Variants in SUGCT observed in about 807,000 individuals in gnomAD.
SUGCT encodes the protein succinyl-CoA:glutarate-CoA transferase, also known as succinyl-CoA:glutarate CoA-transferase.
A neutral mutation model predicts 55.0 loss-of-function variants in SUGCT; 41 were observed. That is an observed-to-expected ratio of 0.74 (90% CI 0.58 to 0.97). The LOEUF is 0.97. Among genes scored for constraint, SUGCT ranks in the 50% least tolerant of loss-of-function variants. The pLI is 0.00. For missense variants in SUGCT, 568 were observed against 547.8 expected (o/e 1.04, Z -0.37); for synonymous variants, 187 against 200.4 (o/e 0.93, Z 0.56).
intron 12 of SUGCT, among the ~76,000 whole-genome samples, chr7:40,661,647 T>C (rs1243235140): frequency 1.3e-5 from 2 of 152,174 alleles, no homozygotes; most frequent in Non-Finnish European, 2.9e-5. Context: ...TACTAAAAGC[T>C]TTCAACCAGA....
intron 12 of SUGCT, among the ~76,000 whole-genome samples, chr7:40,583,791 G>C (rs1196896679): frequency 6.6e-6 from 1 of 152,072 alleles, no homozygotes; most frequent in African/African-American, 2.4e-5. Flanking sequence ...CCATGCACCT[G>C]GTCAGTTGTG....
At chr7:40,259,032 G>A (rs1791036234) in intron 7 of SUGCT, among the ~76,000 whole-genome samples, 1 of 152,132 alleles carries the variant, frequency 6.6e-6, no homozygotes, top group South Asian at 2.1e-4. Flanking sequence ...TGAACCTGAA[G>A]GACATTATTC....
intron 13 of SUGCT, among the ~76,000 whole-genome samples, chr7:40,810,949 G>A (rs1227477439): frequency 6.6e-6 from 1 of 152,120 alleles, no homozygotes; most frequent in Non-Finnish European, 1.5e-5. Flanking sequence ...ATCGTGAAAG[G>A]TAGGGTTCCA....
chr7:40,594,936 A>G (rs1797923207), intron 12 of SUGCT, among the ~76,000 whole-genome samples: 1 of 152,200 alleles, frequency 6.6e-6, no homozygotes, highest in African/African-American at 2.4e-5. Flanking sequence ...TTTCTATAAT[A>G]GTTTAGGAGA....
intron 9 of SUGCT, among the ~76,000 whole-genome samples, chr7:40,429,574 G>A (rs1787783830): frequency 1.3e-5 from 2 of 152,154 alleles, no homozygotes; most frequent in Non-Finnish European, 1.5e-5. Flanking sequence ...GATGTTTGAC[G>A]ACAGGAAGCA....
intron 12 of SUGCT, among the ~76,000 whole-genome samples, chr7:40,514,126 A>G (rs1793100488): frequency 1.3e-5 from 2 of 151,966 alleles, no homozygotes; most frequent in Non-Finnish European, 2.9e-5. Flanking sequence ...TAGTACAAGT[A>G]CAATTAAATA....
At chr7:40,442,012 A>G (rs982870607) in intron 9 of SUGCT, among the ~76,000 whole-genome samples, 3 of 152,126 alleles carry the variant, frequency 2.0e-5, no homozygotes, top group African/African-American at 4.8e-5. Flanking sequence ...CAGAATGTCA[A>G]AGTCTGAAAA....
At chr7:40,681,560 C>G (rs1333300727) in intron 12 of SUGCT, among the ~76,000 whole-genome samples, 1 of 152,178 alleles carries the variant, frequency 6.6e-6, no homozygotes, top group Non-Finnish European at 1.5e-5. Flanking sequence ...CAAGGCAAAT[C>G]AGGGCAGCTG....
the SUGCT span, among the ~76,000 whole-genome samples, chr7:40,972,951 C>T: frequency 6.6e-6 from 1 of 152,224 alleles, no homozygotes; most frequent in South Asian, 2.1e-4. Context: ...TAGCTTTTCA[C>T]TTACTAACCC....
intron 9 of SUGCT, among the ~76,000 whole-genome samples, chr7:40,359,660 G>A (rs1000033823): frequency 3.9e-5 from 6 of 152,142 alleles, no homozygotes; most frequent in African/African-American, 1.4e-4. Context: ...CCTTTCTCAC[G>A]TCCTAACTGT....
At chr7:40,464,701 C>A (rs964337130) in intron 11 of SUGCT, among the ~76,000 whole-genome samples, 1 of 152,214 alleles carries the variant, frequency 6.6e-6, no homozygotes, top group Admixed American at 6.5e-5. Context: ...ACTGGCCCTG[C>A]TGGCATGTGC....
chr7:40,718,422 G>A (rs1240227281), intron 12 of SUGCT, among the ~76,000 whole-genome samples: 3 of 152,162 alleles, frequency 2.0e-5, no homozygotes, highest in Admixed American at 6.5e-5. Context: ...ATTAAGTAAC[G>A]AGGAAAATAT....
chr7:40,413,017 T>G (rs1337345283), intron 9 of SUGCT, among the ~76,000 whole-genome samples: 1 of 152,202 alleles, frequency 6.6e-6, no homozygotes, highest in African/African-American at 2.4e-5. Context: ...TTTTTCATTG[T>G]TAAATGAAAA....
At chr7:40,195,805 C>T (rs781717849) in intron 6 of SUGCT, among the ~76,000 whole-genome samples, 2 of 150,096 alleles carry the variant, frequency 1.3e-5, no homozygotes, top group Non-Finnish European at 3.0e-5. Flanking sequence ...CCCTCTGCCC[C>T]TAGGTTCAAA....
intron 12 of SUGCT, among the ~76,000 whole-genome samples, chr7:40,555,314 T>TC (rs1795503780): frequency 6.7e-6 from 1 of 148,440 alleles, no homozygotes. Context: ...TTTTTTTTTT[T>TC]CTCACTGATT....
chr7:40,342,466 A>C (rs1356578708), intron 9 of SUGCT, among the ~76,000 whole-genome samples: 1 of 152,146 alleles, frequency 6.6e-6, no homozygotes, highest in Non-Finnish European at 1.5e-5. Context: ...CGTATGATTA[A>C]ATGTTGATTA....
rs986185772 is a variant in SUGCT, at chr7:40,822,835, G to A, written c.1154-37481G>A. ...TTGAAAATGAGAGTGTTAAGGAAAT[G>A]GGGAAATACTATGGGAGTTGGCAGC... On this transcript the variant is annotated intron_variant, in intron 13 of 13. Coordinates refer to ENST00000335693, the MANE Select transcript of SUGCT (RefSeq NM_001193313.2). 3.9e-5 allele frequency among the ~76,000 whole-genome samples: 6 copies of A among 152,250 alleles called. No homozygotes were observed. The South Asian group carries it at 8.3e-4, about 21-fold the overall frequency.
chr7:40,798,182 A>G (rs1309106615), intron 13 of SUGCT, among the ~76,000 whole-genome samples: 1 of 152,164 alleles, frequency 6.6e-6, no homozygotes, highest in Admixed American at 6.5e-5. Flanking sequence ...ATAATTTGAT[A>G]TTATGTCTTT....
chr7:40,592,940 G>C (rs970342966), intron 12 of SUGCT, among the ~76,000 whole-genome samples: 2 of 152,150 alleles, frequency 1.3e-5, no homozygotes, highest in Non-Finnish European at 2.9e-5. Context: ...TGCATCAAAA[G>C]GCTGTCTAAA....
Sources: gnomAD v4.1 joint callset for allele counts (sites outside exome capture counted in the v4.1 genomes callset) on GRCh38, gnomAD v4.1.1 for gene constraint, MANE v1.5 for transcripts, NCBI Gene and HGNC (gene_info 2026-07-23, HGNC 2026-07-21) for gene names.